Variants in EML1 observed in about 807,000 individuals in gnomAD.
EML1 encodes EMAP like 1, also known as echinoderm microtubule-associated protein-like 1.
In EML1, 27 loss-of-function variants were observed where a neutral mutation model predicts 110.4. The observed-to-expected ratio is 0.24, with a 90% CI of 0.18 to 0.34. The LOEUF is 0.34. Among genes scored for constraint, EML1 ranks in the 10% least tolerant of loss-of-function variants. The pLI is 1.00. For synonymous variants in EML1, 344 were observed against 385.8 expected, an observed-to-expected ratio of 0.89 and a Z score of 1.27; for missense variants, 741 against 1,030.9, an observed-to-expected ratio of 0.72 and a Z score of 3.85.
At chr14:99,745,079 T>A (rs1004515516) in intron 1 of EML1, among the ~76,000 whole-genome samples, 1 of 152,216 alleles carries the variant, frequency 6.6e-6, no homozygotes, top group Non-Finnish European at 1.5e-5. Flanking sequence ...GTTGACTTTT[T>A]TTTTTGAGAC....
chr14:99,770,443 C>A (rs2057413733), upstream of EML1, among the ~76,000 whole-genome samples: 1 of 150,150 alleles, frequency 6.7e-6, no homozygotes, highest in East Asian at 2.0e-4. Flanking sequence ...GAGATCATGT[C>A]TTTTTTTAAG....
chr14:99,927,175 T>C (rs1257432479), intron 17 of EML1, among the ~76,000 whole-genome samples: 1 of 152,234 alleles, frequency 6.6e-6, no homozygotes, highest in Non-Finnish European at 1.5e-5. Flanking sequence ...TTTTAACAAT[T>C]TGTTTAAACC....
At chr14:99,868,912 T>C (rs2059147846) in intron 3 of EML1, among the ~76,000 whole-genome samples, 1 of 152,178 alleles carries the variant, frequency 6.6e-6, no homozygotes, top group East Asian at 1.9e-4. Flanking sequence ...TGATGTGAGA[T>C]CTGTCTTCTT....
intron 1 of EML1, among the ~76,000 whole-genome samples, chr14:99,745,435 T>C (rs1335431696): frequency 6.6e-6 from 1 of 152,114 alleles, no homozygotes; most frequent in Non-Finnish European, 1.5e-5. Flanking sequence ...ATGAAACACA[T>C]TTAAATAAAA....
chr14:99,847,760 T>G (rs1265812497), intron 1 of EML1, among the ~76,000 whole-genome samples: 1 of 152,176 alleles, frequency 6.6e-6, no homozygotes, highest in Non-Finnish European at 1.5e-5. Flanking sequence ...AAATGGCCCT[T>G]TTTATTTCTG....
At chr14:99,912,828 T>C (rs1013427274) in intron 13 of EML1, among the ~76,000 whole-genome samples, 6 of 152,248 alleles carry the variant, frequency 3.9e-5, no homozygotes, top group Non-Finnish European at 1.5e-5. Context: ...AGCTATTCAC[T>C]GTTTGTTAGT....
chr14:99,916,726 G>A (rs1213511030), intron 15 of EML1, among the ~76,000 whole-genome samples: 1 of 152,156 alleles, frequency 6.6e-6, no homozygotes, highest in Admixed American at 6.5e-5. Flanking sequence ...CAGCTGTGTT[G>A]CTTCCATCAC....
At chr14:99,829,003 G>A (rs2058405378) in intron 1 of EML1, among the ~76,000 whole-genome samples, 1 of 152,066 alleles carries the variant, frequency 6.6e-6, no homozygotes, top group Admixed American at 6.5e-5. Flanking sequence ...GTGGATCCAC[G>A]CAATTCAAAC....
At chr14:99,850,657 A>T (rs2058780605) in intron 1 of EML1, among the ~76,000 whole-genome samples, 196 bp from the exon 2 acceptor site, 1 of 152,196 alleles carries the variant, frequency 6.6e-6, no homozygotes, top group Admixed American at 6.5e-5. Context: ...GAATGAAAAG[A>T]CCATTGTAGA....
intron 3 of EML1, among the ~76,000 whole-genome samples, chr14:99,877,227 A>G (rs531187686): frequency 1.3e-5 from 2 of 152,200 alleles, no homozygotes; most frequent in East Asian, 3.9e-4. Flanking sequence ...GGCCTCTTCC[A>G]TAAGGGCACT....
chr14:99,863,288 C>T (rs2059033043), intron 2 of EML1, among the ~76,000 whole-genome samples: 3 of 152,288 alleles, frequency 2.0e-5, no homozygotes, highest in South Asian at 4.1e-4. Context: ...CATCTTCCTG[C>T]CCCCCACTAC....
upstream of EML1, chr14:99,793,202 C>A (rs1399589539): frequency 1.1e-5 from 4 of 376,656 alleles, no homozygotes; most frequent in Non-Finnish European, 1.4e-5. Context: ...AGGCCGCAGG[C>A]GCGGGGAGGC....
At chr14:99,843,472 C>T (rs911943226) in intron 1 of EML1, among the ~76,000 whole-genome samples, 1 of 152,188 alleles carries the variant, frequency 6.6e-6, no homozygotes, top group Non-Finnish European at 1.5e-5. Context: ...TTTATTTATA[C>T]ATGCACTATA....
chr14:99,913,855 A>G (rs1430571782), intron 13 of EML1, among the ~76,000 whole-genome samples: 1 of 151,512 alleles, frequency 6.6e-6, no homozygotes, highest in African/African-American at 2.4e-5. Flanking sequence ...ATGCCCAGCT[A>G]ATTTTTGTAT....
In EML1 at chr14:99,776,567, C is replaced by T. The variant is rs368703785; in HGVS notation, c.-27+2554C>T. Among the ~76,000 whole-genome samples the T allele has an allele frequency of 2.5e-4, 38 of 151,416 alleles. No individual in the cohort carries two copies. In the South Asian group the frequency reaches 7.7e-3, roughly 31 times the overall value. ...AGAATCCCTATGATGTACAGCCGAA[C>T]ATTTTACTATCAGGTTTATTGGATA... On this transcript the variant is annotated intron_variant, in intron 1 of 22. Transcript: ENST00000327921.
chr14:99,829,940 T>C (rs1168999392), intron 1 of EML1, among the ~76,000 whole-genome samples: 1 of 152,230 alleles, frequency 6.6e-6, no homozygotes, highest in Non-Finnish European at 1.5e-5. Flanking sequence ...TTGTGAATAA[T>C]GCTGTTTTGA....
chr14:99,752,071 C>T (rs1003784596), intron 1 of EML1, among the ~76,000 whole-genome samples: 2 of 152,094 alleles, frequency 1.3e-5, no homozygotes, highest in African/African-American at 4.8e-5. Flanking sequence ...CCCCAGATGC[C>T]GTTACTCCAG....
chr14:99,863,709 T>C (rs4905908), intron 2 of EML1, among the ~76,000 whole-genome samples: 55,165 of 152,088 alleles, frequency 0.36, 10,996 homozygotes, highest in African/African-American at 0.52. Flanking sequence ...TATGGATGGG[T>C]CAGTTTGTTT....
chr14:99,881,914 A>G (rs774911959), intron 4 of EML1, among the ~76,000 whole-genome samples: 16 of 152,164 alleles, frequency 1.1e-4, no homozygotes, highest in Non-Finnish European at 2.4e-4. Context: ...TGTATTCTTT[A>G]TGATAGTTTC....
Sources: allele counts gnomAD v4.1 joint callset (sites outside exome capture counted in the v4.1 genomes callset), GRCh38; gene constraint gnomAD v4.1.1; transcripts MANE v1.5; gene names NCBI Gene and HGNC (gene_info 2026-07-23, HGNC 2026-07-21).